JAM2: variants seen among roughly 807,000 people sequenced by gnomAD.
JAM2 encodes the protein junctional adhesion molecule B.
Under a neutral mutation model 42.0 loss-of-function variants are expected in JAM2, and 17 were observed. The ratio of observed to expected loss-of-function variants is 0.40; its 90% CI spans 0.28 to 0.61. JAM2 has a LOEUF of 0.61. JAM2 is among the 20% of genes least tolerant of loss of function. JAM2 has a pLI of 0.37. For synonymous variants in JAM2, 118 were observed against 128.6 expected (o/e 0.92, Z 0.56); for missense variants, 319 against 358.3 (o/e 0.89, Z 0.89).
At chr21:25,649,326 T>G (rs1043828963) in intron 1 of JAM2, among the ~76,000 whole-genome samples, 1 of 152,186 alleles carries the variant, frequency 6.6e-6, no homozygotes, top group Non-Finnish European at 1.5e-5. Context: ...TCAGGAAACT[T>G]ACAATCATGG....
intron 4 of JAM2, among the ~76,000 whole-genome samples, chr21:25,695,697 C>T (rs1429011160): frequency 2.0e-5 from 3 of 151,640 alleles, no homozygotes; most frequent in Non-Finnish European, 4.4e-5. Flanking sequence ...CGGAGGGGCT[C>T]CTCACTTTCC....
intron 1 of JAM2, among the ~76,000 whole-genome samples, chr21:25,677,831 C>G (rs542622143): frequency 6.6e-6 from 1 of 152,070 alleles, no homozygotes; most frequent in Non-Finnish European, 1.5e-5. Context: ...AGAGTTTCTC[C>G]GAGGGCATTA....
chr21:25,694,130 ATC>A (rs1456995086), intron 4 of JAM2, among the ~76,000 whole-genome samples: 1 of 152,242 alleles, frequency 6.6e-6, no homozygotes. Context: ...ATCACAAAGT[ATC>A]TCTTTGTTAA....
intron 3 of JAM2, chr21:25,692,136 GT>G (rs2033897135): frequency 6.5e-6 from 1 of 153,524 alleles, no homozygotes; most frequent in Admixed American, 6.5e-5. Context: ...CGGAGATGGG[GT>G]GGGAGCACTG....
At chr21:25,705,885 C>A in intron 6 of JAM2, 94 bp from the exon 7 acceptor site, 2 of 836,142 alleles carry the variant, frequency 2.4e-6, no homozygotes, top group Non-Finnish European at 4.1e-6. Flanking sequence ...GATATAGCTG[C>A]AAAGGGGATC....
intron 1 of JAM2, among the ~76,000 whole-genome samples, chr21:25,654,212 AATC>A (rs1175460237): frequency 6.6e-6 from 1 of 152,240 alleles, no homozygotes; most frequent in Non-Finnish European, 1.5e-5. Flanking sequence ...AATAGAATCT[AATC>A]ATCATTTGCA....
At chr21:25,661,071 G>A (rs1332114720) in intron 1 of JAM2, among the ~76,000 whole-genome samples, 1 of 151,812 alleles carries the variant, frequency 6.6e-6, no homozygotes, top group East Asian at 1.9e-4. Context: ...GATTACAGGC[G>A]TGAGCCACTG....
chr21:25,705,891 G>C (rs1438336624), intron 6 of JAM2, 88 bp from the exon 7 acceptor site: 3 of 875,704 alleles, frequency 3.4e-6, no homozygotes, highest in African/African-American at 3.3e-5. Context: ...GCTGCAAAGG[G>C]GATCTTTTTT....
chr21:25,644,533 C>T (rs1192693439), intron 1 of JAM2, among the ~76,000 whole-genome samples: 1 of 152,218 alleles, frequency 6.6e-6, no homozygotes, highest in East Asian at 1.9e-4. Context: ...TTCCTTCTTC[C>T]ACTCATCAGG....
intron 1 of JAM2, among the ~76,000 whole-genome samples, chr21:25,644,753 A>G (rs1416630801): frequency 6.6e-6 from 1 of 152,256 alleles, no homozygotes; most frequent in Non-Finnish European, 1.5e-5. Context: ...GGTTATGCAC[A>G]GCGACAGTGT....
At chr21:25,701,264 G>GA (rs1197647492) in intron 5 of JAM2, among the ~76,000 whole-genome samples, 3 of 151,938 alleles carry the variant, frequency 2.0e-5, no homozygotes, top group East Asian at 3.8e-4. Flanking sequence ...CCATAGAGTG[G>GA]AAAAAAAGAA....
At chr21:25,659,995 G>A (rs6516683) in intron 1 of JAM2, among the ~76,000 whole-genome samples, 59,362 of 151,724 alleles carry the variant, frequency 0.39, 13,343 homozygotes, top group East Asian at 0.64. Flanking sequence ...TCGGCTCACT[G>A]CAACCTCTGC....
chr21:25,674,723 C>T (rs1182350838), intron 1 of JAM2, among the ~76,000 whole-genome samples: 12 of 150,884 alleles, frequency 8.0e-5, no homozygotes, highest in Admixed American at 6.0e-4. Context: ...TTGTCTAGTT[C>T]GAGAGACTGT....
intron 1 of JAM2, among the ~76,000 whole-genome samples, chr21:25,673,905 C>T (rs1160084640): frequency 6.6e-6 from 1 of 152,174 alleles, no homozygotes; most frequent in Non-Finnish European, 1.5e-5. Flanking sequence ...AGGGCAGTTT[C>T]CCCCATACTG....
intron 1 of JAM2, among the ~76,000 whole-genome samples, chr21:25,679,638 T>C (rs1210856240): frequency 1.3e-5 from 2 of 152,224 alleles, no homozygotes; most frequent in Non-Finnish European, 2.9e-5. Flanking sequence ...GAAGAAACCC[T>C]CACCTAGACC....
chr21:25,664,992 A>G (rs1302875744), intron 1 of JAM2, among the ~76,000 whole-genome samples: 1 of 152,274 alleles, frequency 6.6e-6, no homozygotes, highest in East Asian at 1.9e-4. Context: ...ACAAAATGTG[A>G]CAAATCATAA....
rs551712459 is a variant in JAM2, at chr21:25,656,810, T to G, written c.67+16922T>G. Among the ~76,000 whole-genome samples, 69 of 152,306 alleles carry G rather than the reference T, an allele frequency of 4.5e-4. 1 individual carries two copies. The highest frequency in any genetic ancestry group is 1.5e-3 in the South Asian group (7 of 4,824). On this transcript the variant is annotated intron_variant, in intron 1 of 9. Coordinates refer to ENST00000480456, the MANE Select transcript of JAM2 (RefSeq NM_021219.4). The stretch of plus-strand genomic sequence containing the variant: ...GATATATATTCAGAGTCCTAATAAT[T>G]TGAACAATCACATATTATTTGCTTG...
intron 1 of JAM2, among the ~76,000 whole-genome samples, chr21:25,657,228 G>A (rs116955378): frequency 0.01 from 1,521 of 152,096 alleles, 11 homozygotes; most frequent in Non-Finnish European, 0.015. Flanking sequence ...TGTCCAGGTT[G>A]GTCTTGAACT....
intron 1 of JAM2, among the ~76,000 whole-genome samples, chr21:25,680,877 A>G (rs1250021974): frequency 6.6e-6 from 1 of 152,198 alleles, no homozygotes; most frequent in Admixed American, 6.5e-5. Context: ...AAGCACCAGG[A>G]TCAGAACAGA....
Sources: gnomAD v4.1 joint callset for allele counts (sites outside exome capture counted in the v4.1 genomes callset) on GRCh38, gnomAD v4.1.1 for gene constraint, MANE v1.5 for transcripts, NCBI Gene and HGNC (gene_info 2026-07-23, HGNC 2026-07-21) for gene names.